RASAL2: variants seen among roughly 807,000 people sequenced by gnomAD.
The protein encoded by RASAL2 is ras GTPase-activating protein nGAP.
RASAL2 carries 58 observed loss-of-function variants against 128.9 expected under a neutral mutation model. The observed-to-expected ratio is 0.45, with a 90% CI of 0.36 to 0.56. The LOEUF is 0.56. RASAL2 is among the 20% of genes least tolerant of loss of function. The pLI, the probability that RASAL2 is intolerant of heterozygous loss-of-function variation, is 0.00. For missense variants in RASAL2, 1,360 were observed against 1,601.6 expected (o/e 0.85, Z 2.57); for synonymous variants, 561 against 580.8 (o/e 0.97, Z 0.49).
intron 1 of RASAL2, among the ~76,000 whole-genome samples, chr1:178,209,952 A>T (rs981192651): frequency 6.6e-6 from 1 of 152,006 alleles, no homozygotes; most frequent in South Asian, 2.1e-4. Flanking sequence ...CTTTTATCAA[A>T]TGTGGAAAAA....
chr1:178,351,066 C>T (rs942058867), intron 3 of RASAL2, among the ~76,000 whole-genome samples: 2 of 152,092 alleles, frequency 1.3e-5, no homozygotes, highest in Non-Finnish European at 2.9e-5. Flanking sequence ...AGATGCTACA[C>T]ACTTTTAAAC....
intron 1 of RASAL2, among the ~76,000 whole-genome samples, chr1:178,184,987 G>A (rs1396469314): frequency 2.0e-5 from 3 of 151,848 alleles, no homozygotes; most frequent in Admixed American, 6.6e-5. Flanking sequence ...TTCTTTCATC[G>A]ATGTTCCATA....
rs1557950490 is a variant in RASAL2, at chr1:178,390,119, C to G, written c.477C>G (p.Ser159=). ...TTCCAGAGGTACCAGCAGAAAGGTC[C>G]CCTCGTAGACGGAGTATCTCAGGGA... ...ATKLEVPAER[S]PRRRSISGTS... is the part of the protein sequence containing the mutation. The change falls in exon 4 of 18, where the codon TCC becomes TCG. Residue 159 remains serine, a synonymous_variant. Coordinates refer to ENST00000367649, the MANE Select transcript of RASAL2 (RefSeq NM_170692.4). 1 of 1,607,498 alleles carries G rather than the reference C, an allele frequency of 6.2e-7. No individual in the cohort carries two copies.
intron 1 of RASAL2, among the ~76,000 whole-genome samples, chr1:178,272,588 C>A (rs1571753168): frequency 1.3e-5 from 2 of 152,202 alleles, no homozygotes; most frequent in East Asian, 3.9e-4. Flanking sequence ...TGAACTCTCA[C>A]TTTAGTTCAA....
intron 3 of RASAL2, among the ~76,000 whole-genome samples, chr1:178,366,207 A>C (rs995352317): frequency 6.6e-6 from 1 of 152,192 alleles, no homozygotes; most frequent in African/African-American, 2.4e-5. Context: ...GGAAAAATGC[A>C]TATATATAAT....
At chr1:178,398,780 A>T (rs1188782939) in intron 4 of RASAL2, among the ~76,000 whole-genome samples, 1 of 151,800 alleles carries the variant, frequency 6.6e-6, no homozygotes, top group East Asian at 1.9e-4. Context: ...GTCATAATAT[A>T]CTCTTCCCCT....
intron 2 of RASAL2, among the ~76,000 whole-genome samples, chr1:178,295,662 C>T (rs1437446930): frequency 1.3e-5 from 2 of 152,080 alleles, no homozygotes; most frequent in Non-Finnish European, 2.9e-5. Flanking sequence ...CCAAGCTCTA[C>T]CCTGAGTTTC....
In RASAL2 at chr1:178,294,324, ACTT is replaced by A. The variant is rs549920722; in HGVS notation, c.331-5664_331-5662del. The stretch of plus-strand genomic sequence containing the variant: ...TACTTCCATACACAAACACACCACC[ACTT>A]CTTTGAAAACCACTGCTAGAGGCAA... On this transcript the variant is annotated intron_variant, in intron 2 of 17. Transcript: ENST00000367649. 5.3e-4 allele frequency among the ~76,000 whole-genome samples: 81 copies of A among 152,144 alleles called. 2 individuals are homozygous for A. Among genetic ancestry groups the A allele is most frequent in the South Asian group, 4.4e-3 (21 of 4,820 alleles).
chr1:178,189,244 A>C (rs1662408196), intron 1 of RASAL2, among the ~76,000 whole-genome samples: 2 of 152,210 alleles, frequency 1.3e-5, no homozygotes, highest in Non-Finnish European at 2.9e-5. Context: ...TATTCCACAA[A>C]TTTTGTTAAA....
At chr1:178,110,653 T>TATATATACACTATATATA (rs1659284153) in intron 1 of RASAL2, among the ~76,000 whole-genome samples, 1 of 145,724 alleles carries the variant, frequency 6.9e-6, no homozygotes, top group African/African-American at 2.5e-5. Context: ...TATATATATA[T>TATATATACACTATATATA]GTATGTATAC....
rs746192023 is a variant in RASAL2, at chr1:178,458,374, T to G, written c.3082T>G (p.Ser1028Ala). The G allele has an allele frequency of 2.5e-5, 40 of 1,614,040 alleles. 1 individual carries two copies. In the South Asian group the frequency reaches 4.0e-4, roughly 16 times the overall value. Residue 1028 changes from serine (S) to alanine (A), a missense_variant, in exon 14 of 18, where the codon TCC becomes GCC. Physicochemically the swap from Ser to Ala is moderately conservative, Grantham distance 99. Coordinates refer to ENST00000367649, the MANE Select transcript of RASAL2 (RefSeq NM_170692.4). ...AGGTGCCCGAGCCAAAGCCCCACCA[T>G]CCCTGCCACACAGTGCTTCTTTACG... The part of the protein sequence containing the change: ...GLGARAKAPP[S>A]LPHSASLRST...
intron 1 of RASAL2, among the ~76,000 whole-genome samples, chr1:178,137,958 A>G (rs2102323197): frequency 6.6e-6 from 1 of 152,280 alleles, no homozygotes; most frequent in African/African-American, 2.4e-5. Flanking sequence ...AGTGAGGGTG[A>G]TTTAAAGGGC....
chr1:178,453,035 G>C (rs1303433122), intron 11 of RASAL2, among the ~76,000 whole-genome samples: 1 of 152,098 alleles, frequency 6.6e-6, no homozygotes, highest in African/African-American at 2.4e-5. Context: ...TATAAAAAAA[G>C]TTGGGAAGAA....
chr1:178,095,635 C>G (rs1302285422), intron 1 of RASAL2, among the ~76,000 whole-genome samples: 1 of 152,206 alleles, frequency 6.6e-6, no homozygotes, highest in Non-Finnish European at 1.5e-5. Flanking sequence ...CTGTAGTGAT[C>G]AAGTACCTTA....
chr1:178,296,161 ATG>A lies in RASAL2; in HGVS notation c.331-3818_331-3817del, dbSNP rs139623846. On this transcript the variant is annotated intron_variant, in intron 2 of 17. Coordinates refer to ENST00000367649, the MANE Select transcript of RASAL2 (RefSeq NM_170692.4). ...TGTGTGTGTATATATGTGTATATAT[ATG>A]TGTGTGTGTGTGCATATATATATAT... 5.7e-5 allele frequency among the ~76,000 whole-genome samples: 8 copies of A among 139,232 alleles called. No homozygotes were observed. The East Asian group carries it at 9.9e-4, about 17-fold the overall frequency. The allele number at this position is 139,232 out of a possible 152,430, so 91.3% of individuals were successfully genotyped here.
intron 4 of RASAL2, among the ~76,000 whole-genome samples, chr1:178,401,634 AGT>A (rs1673636155): frequency 6.6e-6 from 1 of 152,164 alleles, no homozygotes; most frequent in South Asian, 2.1e-4. Flanking sequence ...TGGGCAACGT[AGT>A]GAGACCCCAT....
chr1:178,147,518 TTATATA>T (rs1466808756), intron 1 of RASAL2, among the ~76,000 whole-genome samples: 1 of 151,404 alleles, frequency 6.6e-6, no homozygotes, highest in Non-Finnish European at 1.5e-5. Flanking sequence ...GAAAGCTAGT[TTATATA>T]AACAGTAAAG....
intron 2 of RASAL2, among the ~76,000 whole-genome samples, chr1:178,285,978 A>G (rs530887646): frequency 6.6e-6 from 1 of 152,276 alleles, no homozygotes; most frequent in East Asian, 1.9e-4. Flanking sequence ...TAATTTTCTA[A>G]AACAACATCT....
At chr1:178,241,764 G>A (rs1664508005) in intron 1 of RASAL2, among the ~76,000 whole-genome samples, 1 of 152,162 alleles carries the variant, frequency 6.6e-6, no homozygotes, top group African/African-American at 2.4e-5. Flanking sequence ...TCATTTGGCT[G>A]TTAAATGCAG....
Sources: gnomAD v4.1 joint callset for allele counts (sites outside exome capture counted in the v4.1 genomes callset) on GRCh38, gnomAD v4.1.1 for gene constraint, MANE v1.5 for transcripts, NCBI Gene and HGNC (gene_info 2026-07-23, HGNC 2026-07-21) for gene names.